Variants in LHFPL6 observed in about 807,000 individuals in gnomAD.
LHFPL6 encodes LHFPL tetraspan subfamily member 6.
In LHFPL6, 9 loss-of-function variants were observed where a neutral mutation model predicts 20.6. The observed-to-expected ratio is 0.44, with a 90% CI of 0.26 to 0.76. The LOEUF is 0.76. Among genes scored for constraint, LHFPL6 ranks in the 30% least tolerant of loss-of-function variants. LHFPL6 has a pLI of 0.20. For missense variants in LHFPL6, 218 were observed against 253.5 expected (o/e 0.86, Z 0.95); for synonymous variants, 105 against 98.7 (o/e 1.06, Z -0.38).
At chr13:39,563,081 C>A (rs1593365030) in intron 2 of LHFPL6, among the ~76,000 whole-genome samples, 1 of 129,990 alleles carries the variant, frequency 7.7e-6, no homozygotes, top group African/African-American at 2.8e-5. Flanking sequence ...GGTCATGGGG[C>A]AATACTAGAA....
At position 39,361,138 on chromosome 13, in the gene LHFPL6, G is replaced by C. The variant is rs1324574398; in HGVS notation, c.485-17084C>G. ...ACTTGACACAAGGGTCAGCAGTGCT[G>C]AGCCCAAATTATACAGCAGAGGATG... On this transcript the variant is annotated intron_variant, in intron 3 of 3. Coordinates refer to ENST00000379589, the MANE Select transcript of LHFPL6 (RefSeq NM_005780.3). Among the ~76,000 whole-genome samples the C allele has an allele frequency of 2.1e-5, 2 of 96,358 alleles. 1 individual carries two copies. Among genetic ancestry groups the C allele is most frequent in the Non-Finnish European group, 4.9e-5 (2 of 40,958 alleles). The allele number at this position is 96,358 out of a possible 152,430, so 63.2% of individuals were successfully genotyped here. A position where few individuals can be genotyped will look rare whatever the true frequency, so the allele number is the denominator to read the frequency against.
intron 2 of LHFPL6, among the ~76,000 whole-genome samples, chr13:39,557,252 G>T (rs1263405546): frequency 2.0e-5 from 3 of 152,232 alleles, no homozygotes; most frequent in Non-Finnish European, 4.4e-5. Context: ...ATCAGCCTTA[G>T]GATACTGCTC....
intron 2 of LHFPL6, among the ~76,000 whole-genome samples, chr13:39,434,233 T>C (rs574399559): frequency 2.0e-5 from 3 of 152,354 alleles, no homozygotes; most frequent in Non-Finnish European, 4.4e-5. Context: ...TCAGGCACTT[T>C]CCACATAGTC....
intron 3 of LHFPL6, among the ~76,000 whole-genome samples, chr13:39,368,986 T>A (rs967392395): frequency 6.6e-6 from 1 of 151,154 alleles, no homozygotes; most frequent in Admixed American, 6.6e-5. Context: ...TGAGAACACA[T>A]AATACAAAAA....
chr13:39,587,955 T>C (rs1009746001), intron 2 of LHFPL6, among the ~76,000 whole-genome samples: 1 of 152,040 alleles, frequency 6.6e-6, no homozygotes, highest in African/African-American at 2.4e-5. Flanking sequence ...AGAAATAACC[T>C]GGATTCTCCC....
intron 2 of LHFPL6, among the ~76,000 whole-genome samples, chr13:39,584,732 T>C (rs1018847477): frequency 1.2e-4 from 18 of 151,882 alleles, no homozygotes; most frequent in Admixed American, 1.1e-3. Flanking sequence ...GATTGGGTAA[T>C]GCAAACCCAA....
chr13:39,577,954 A>G (rs1872167731), intron 2 of LHFPL6, among the ~76,000 whole-genome samples: 1 of 152,076 alleles, frequency 6.6e-6, no homozygotes, highest in African/African-American at 2.4e-5. Context: ...CAGCCCCAAC[A>G]ACTCAATATT....
chr13:39,567,572 C>A lies in LHFPL6; in HGVS notation c.385+33260G>T, dbSNP rs940851938. ...AGGTTTTCTTCCTCTTCTTCCTCTT[C>A]CTATTTCTCTCCCTTCCTCTCCTCT... On this transcript the variant is annotated intron_variant, in intron 2 of 3. Coordinates refer to ENST00000379589, the MANE Select transcript of LHFPL6 (RefSeq NM_005780.3). 7.9e-5 allele frequency among the ~76,000 whole-genome samples: 12 copies of A among 152,152 alleles called. 1 individual carries two copies. The highest frequency in any genetic ancestry group is 1.5e-5 in the Non-Finnish European group (1 of 68,034).
intron 2 of LHFPL6, among the ~76,000 whole-genome samples, chr13:39,549,385 G>T (rs9548810): frequency 0.47 from 71,538 of 151,748 alleles, 17,532 homozygotes; most frequent in East Asian, 0.58. Context: ...CAATTAAACT[G>T]CTAGAAAAAA....
intron 2 of LHFPL6, among the ~76,000 whole-genome samples, chr13:39,588,145 C>A (rs1350982887): frequency 6.6e-6 from 1 of 152,054 alleles, no homozygotes; most frequent in Non-Finnish European, 1.5e-5. Flanking sequence ...GCCGAGTGAG[C>A]CTCACCAGCT....
At chr13:39,368,648 T>C (rs1317561714) in intron 3 of LHFPL6, among the ~76,000 whole-genome samples, 1 of 152,134 alleles carries the variant, frequency 6.6e-6, no homozygotes, top group Non-Finnish European at 1.5e-5. Flanking sequence ...GATTGTTCCT[T>C]CATAGCATGA....
intron 2 of LHFPL6, among the ~76,000 whole-genome samples, chr13:39,571,602 G>A (rs576850540): frequency 2.0e-4 from 30 of 152,322 alleles, no homozygotes; most frequent in African/African-American, 5.8e-4. Flanking sequence ...CCTGGATGCC[G>A]GACAAGAGCT....
intron 2 of LHFPL6, among the ~76,000 whole-genome samples, chr13:39,537,241 C>A (rs564555742): frequency 6.6e-6 from 1 of 152,194 alleles, no homozygotes; most frequent in Non-Finnish European, 1.5e-5. Context: ...TCACAGTCCT[C>A]GGCACGCACA....
intron 3 of LHFPL6, among the ~76,000 whole-genome samples, chr13:39,370,068 G>C (rs552550618): frequency 6.6e-6 from 1 of 152,278 alleles, no homozygotes; most frequent in East Asian, 1.9e-4. Context: ...CCTACTTCTA[G>C]AGTAAAGGCA....
chr13:39,386,614 GA>G (rs1474356147), intron 2 of LHFPL6, among the ~76,000 whole-genome samples: 1 of 152,204 alleles, frequency 6.6e-6, no homozygotes. Context: ...TTCAACCAGA[GA>G]CATGTTGTAT....
chr13:39,522,088 G>T (rs1566132065), intron 2 of LHFPL6, among the ~76,000 whole-genome samples: 2 of 152,090 alleles, frequency 1.3e-5, no homozygotes, highest in Non-Finnish European at 2.9e-5. Flanking sequence ...TGACTGCTTT[G>T]ATTTCCAACT....
At chr13:39,589,769 C>A (rs575196939) in intron 2 of LHFPL6, among the ~76,000 whole-genome samples, 1 of 152,120 alleles carries the variant, frequency 6.6e-6, no homozygotes, top group East Asian at 1.9e-4. Flanking sequence ...AAAATTTAGC[C>A]AGCACACGAT....
chr13:39,406,041 C>A (rs1303613916), intron 2 of LHFPL6, among the ~76,000 whole-genome samples: 1 of 152,120 alleles, frequency 6.6e-6, no homozygotes, highest in East Asian at 1.9e-4. Context: ...GCTGAGCTCA[C>A]CAGAGTTCGG....
intron 2 of LHFPL6, among the ~76,000 whole-genome samples, chr13:39,500,202 TTTTG>T (rs1265678142): frequency 6.6e-6 from 1 of 152,046 alleles, no homozygotes; most frequent in Non-Finnish European, 1.5e-5. Flanking sequence ...TGTTTATTTT[TTTTG>T]TTTGTTTTAT....
Sources: gnomAD v4.1 joint callset for allele counts (sites outside exome capture counted in the v4.1 genomes callset) on GRCh38, gnomAD v4.1.1 for gene constraint, MANE v1.5 for transcripts, NCBI Gene and HGNC (gene_info 2026-07-23, HGNC 2026-07-21) for gene names.